Variants in SOX5 observed in about 807,000 individuals in gnomAD.
SOX5 encodes transcription factor SOX-5.
In SOX5, 9 loss-of-function variants were observed where a neutral mutation model predicts 92.0. That is an observed-to-expected ratio of 0.10 (90% CI 0.06 to 0.17). The LOEUF (loss-of-function observed/expected upper bound fraction) is 0.17, where lower values mean the gene tolerates loss of function less well. Among genes scored for constraint, SOX5 ranks in the 10% least tolerant of loss-of-function variants. SOX5 has a pLI of 1.00. For synonymous variants in SOX5, 344 were observed against 336.3 expected (o/e 1.02, Z -0.25); for missense variants, 642 against 944.5 (o/e 0.68, Z 4.20).
intron 3 of SOX5, among the ~76,000 whole-genome samples, chr12:23,789,057 A>G (rs538775508): frequency 5.3e-5 from 8 of 152,120 alleles, no homozygotes; most frequent in East Asian, 3.9e-4. Flanking sequence ...TTGTCAAAAC[A>G]TAAGTATAAA....
At chr12:23,665,739 A>T (rs1371738123) in intron 6 of SOX5, among the ~76,000 whole-genome samples, 175 bp from the exon 7 acceptor site, 1 of 152,214 alleles carries the variant, frequency 6.6e-6, no homozygotes, top group Non-Finnish European at 1.5e-5. Context: ...TAAACAGCAG[A>T]ACTAGAAAAT....
chr12:23,729,533 A>T (rs1039917217), intron 6 of SOX5, among the ~76,000 whole-genome samples: 1 of 152,184 alleles, frequency 6.6e-6, no homozygotes, highest in African/African-American at 2.4e-5. Context: ...GTCCTGACAG[A>T]ATCAGTGACC....
chr12:23,960,128 T>C (rs116437066), intron 4 of SOX5, among the ~76,000 whole-genome samples: 1 of 152,024 alleles, frequency 6.6e-6, no homozygotes, highest in Non-Finnish European at 1.5e-5. Context: ...AAGAAAAGAA[T>C]TGGAGAGAAA....
chr12:24,078,635 G>A (rs887655247), intron 4 of SOX5, among the ~76,000 whole-genome samples: 3 of 152,024 alleles, frequency 2.0e-5, no homozygotes, highest in Admixed American at 2.0e-4. Flanking sequence ...AGGAGGCAGG[G>A]AGTCTGCTTG....
chr12:24,523,952 A>G (rs548696224), intron 1 of SOX5, among the ~76,000 whole-genome samples: 12 of 152,370 alleles, frequency 7.9e-5, no homozygotes, highest in African/African-American at 2.4e-4. Flanking sequence ...TGAAAAGGCA[A>G]CCTATTAAAT....
intron 3 of SOX5, among the ~76,000 whole-genome samples, chr12:23,773,375 A>G (rs968020154): frequency 2.0e-5 from 3 of 151,988 alleles, no homozygotes; most frequent in Non-Finnish European, 4.4e-5. Flanking sequence ...CCAGGGCTTT[A>G]CTTATTTATT....
chr12:23,889,982 A>T (rs1456270072), intron 2 of SOX5, among the ~76,000 whole-genome samples: 2 of 152,236 alleles, frequency 1.3e-5, no homozygotes, highest in African/African-American at 2.4e-5. Context: ...TTTCATAATA[A>T]AATTCAGCTG....
At chr12:24,359,248 C>T (rs1480559593) in intron 2 of SOX5, among the ~76,000 whole-genome samples, 3 of 152,064 alleles carry the variant, frequency 2.0e-5, no homozygotes, top group Non-Finnish European at 4.4e-5. Flanking sequence ...TCACATTATC[C>T]CATGAAAGAA....
rs1327412451 is a variant in SOX5 at position 23,896,043 on chromosome 12, G to A, written c.39-19C>T. ...AGACATCCTGGAAGGAACAAAAGAG[G>A]AGAAAATAATGAAACCTCCACATAA... On this transcript the variant is annotated intron_variant, in intron 1 of 14. Transcript: ENST00000451604. 5 of 1,544,378 alleles carry A rather than the reference G, an allele frequency of 3.2e-6. No homozygotes were observed. Among genetic ancestry groups the A allele is most frequent in the Non-Finnish European group, 4.5e-6 (5 of 1,118,194 alleles).
intron 1 of SOX5, among the ~76,000 whole-genome samples, chr12:24,538,706 T>C (rs1042305229): frequency 1.3e-5 from 2 of 152,022 alleles, no homozygotes; most frequent in Non-Finnish European, 1.5e-5. Flanking sequence ...AACAAAGTTT[T>C]CCACTCAAAA....
chr12:23,992,342 A>T (rs1042902281), intron 4 of SOX5, among the ~76,000 whole-genome samples: 3 of 152,134 alleles, frequency 2.0e-5, no homozygotes, highest in African/African-American at 7.2e-5. Context: ...ACAAAAAAAG[A>T]TTGCTTCCCT....
chr12:24,328,625 G>T (rs1465292740), intron 2 of SOX5, among the ~76,000 whole-genome samples: 6 of 152,214 alleles, frequency 3.9e-5, no homozygotes, highest in African/African-American at 1.4e-4. Flanking sequence ...AAAGTGGTTA[G>T]TGAGGAAAAT....
At chr12:24,334,764 A>C (rs1031032644) in intron 2 of SOX5, among the ~76,000 whole-genome samples, 1 of 152,204 alleles carries the variant, frequency 6.6e-6, no homozygotes, top group Non-Finnish European at 1.5e-5. Flanking sequence ...TGGCCAAATC[A>C]GTACATCACA....
chr12:23,840,024 T>C (rs987528408), intron 3 of SOX5, among the ~76,000 whole-genome samples: 2 of 148,520 alleles, frequency 1.3e-5, no homozygotes, highest in Non-Finnish European at 3.0e-5. Flanking sequence ...TGCACATCTT[T>C]AAAAGGAATA....
chr12:24,096,011 C>A (rs1229631996), intron 4 of SOX5, among the ~76,000 whole-genome samples: 3 of 152,120 alleles, frequency 2.0e-5, no homozygotes, highest in African/African-American at 7.2e-5. Context: ...AAACCTCTTA[C>A]CCTAACGGTC....
intron 2 of SOX5, among the ~76,000 whole-genome samples, chr12:23,859,808 G>A (rs763100877): frequency 1.3e-5 from 2 of 152,182 alleles, no homozygotes; most frequent in African/African-American, 4.8e-5. Flanking sequence ...CAGACCGGCC[G>A]ACACTTAGGG....
At chr12:23,949,046 T>C (rs932157760) in intron 1 of SOX5, among the ~76,000 whole-genome samples, 1 of 152,068 alleles carries the variant, frequency 6.6e-6, no homozygotes, top group Non-Finnish European at 1.5e-5. Flanking sequence ...AAAAACGCTC[T>C]CTTATATCAA....
At chr12:23,864,936 A>G (rs1435806988) in intron 2 of SOX5, among the ~76,000 whole-genome samples, 3 of 152,218 alleles carry the variant, frequency 2.0e-5, no homozygotes, top group Admixed American at 1.3e-4. Context: ...TAAGACTTTC[A>G]TAGTGAGAAT....
chr12:24,138,979 T>A (rs1410003109), intron 4 of SOX5, among the ~76,000 whole-genome samples: 1 of 152,186 alleles, frequency 6.6e-6, no homozygotes, highest in African/African-American at 2.4e-5. Context: ...AACTCTCAGA[T>A]GCACAATATA....
Sources: gnomAD v4.1 joint callset for allele counts (sites outside exome capture counted in the v4.1 genomes callset) on GRCh38, gnomAD v4.1.1 for gene constraint, MANE v1.5 for transcripts, NCBI Gene and HGNC (gene_info 2026-07-23, HGNC 2026-07-21) for gene names.